The following TMTC4 variants were observed in gnomAD, a reference collection of about 807,000 sequenced individuals.
TMTC4 encodes transmembrane O-mannosyltransferase targeting cadherins 4, also known as protein O-mannosyl-transferase TMTC4.
In TMTC4, 65 loss-of-function variants were observed where a neutral mutation model predicts 86.0. The ratio of observed to expected loss-of-function variants is 0.76; its 90% CI spans 0.62 to 0.93. The LOEUF is 0.93. Ranked by LOEUF, TMTC4 falls within the 40% of genes least tolerant of loss-of-function variation. The pLI, the probability that TMTC4 is intolerant of heterozygous loss-of-function variation, is 0.00. For synonymous variants in TMTC4, 379 were observed against 382.5 expected (o/e 0.99, Z 0.11); for missense variants, 866 against 948.1 (o/e 0.91, Z 1.14).
chr13:100,637,700 A>G lies in TMTC4; in HGVS notation c.837T>C (p.Asn279=). 6.2e-7 allele frequency: 1 copy of G among 1,613,772 alleles called. No homozygotes were observed. Among genetic ancestry groups the G allele is most frequent in the Non-Finnish European group, 8.5e-7 (1 of 1,179,730 alleles). ...GGCCCCCGTTCCTGAGCATGCCGAGATTCTGCAAGGACATCGCAAAGCCCC... is the reference window on the plus strand; with the variant it reads ...GGCCCCCGTTCCTGAGCATGCCGAGGTTCTGCAAGGACATCGCAAAGCCCC... ...KVLHKDKSLE[N]LGMLRNGGLL... The change falls in exon 9 of 19, where the codon AAT becomes AAC. Residue 279 remains asparagine, a splice_region_variant and synonymous_variant. Coordinates refer to ENST00000342624, the MANE Select transcript of TMTC4 (RefSeq NM_032813.5).
At chr13:100,632,355 C>T (rs983622667) in intron 12 of TMTC4, among the ~76,000 whole-genome samples, 2 of 152,150 alleles carry the variant, frequency 1.3e-5, no homozygotes, top group African/African-American at 4.8e-5. Flanking sequence ...AAATAATACG[C>T]TGTCTCTCTA....
chr13:100,639,046 G>A (rs548195341), intron 7 of TMTC4, among the ~76,000 whole-genome samples: 35 of 152,326 alleles, frequency 2.3e-4, no homozygotes, highest in African/African-American at 7.7e-4. Context: ...TGTCACTGCT[G>A]CAGGCAGTGT....
chr13:100,650,082 G>GA (rs561956866), intron 6 of TMTC4, among the ~76,000 whole-genome samples: 178 of 144,496 alleles, frequency 1.2e-3, no homozygotes, highest in African/African-American at 1.9e-3. Flanking sequence ...GAGAGGATGG[G>GA]AAAAAAAAAA....
At chr13:100,629,367 A>G (rs1257937079) in intron 12 of TMTC4, among the ~76,000 whole-genome samples, 1 of 152,096 alleles carries the variant, frequency 6.6e-6, no homozygotes, top group Non-Finnish European at 1.5e-5. Context: ...GGCACCCACC[A>G]GCTGGGAGCG....
rs533072214 is a variant in TMTC4 at position 100,623,138 on chromosome 13, T to C, written c.1836+2397A>G. ...AACCATGGCTTCTGCTCTGACATGA[T>C]TACCCTGTTATCCAAGTTCAGACAG... On this transcript the variant is annotated intron_variant, in intron 15 of 18. Transcript: ENST00000342624. 4.6e-5 allele frequency among the ~76,000 whole-genome samples: 7 copies of C among 152,356 alleles called. No individual in the cohort carries two copies. In the South Asian group the frequency reaches 1.4e-3, roughly 32 times the overall value.
intron 16 of TMTC4, among the ~76,000 whole-genome samples, 188 bp from the exon 17 acceptor site, chr13:100,612,698 G>A (rs1877826125): frequency 6.9e-6 from 1 of 144,992 alleles, no homozygotes; most frequent in Non-Finnish European, 1.5e-5. Flanking sequence ...CACACACGAC[G>A]TTATCAGTGG....
intron 1 of TMTC4, chr13:100,670,807 C>G (rs1264824863): frequency 6.2e-6 from 1 of 160,878 alleles, no homozygotes; most frequent in East Asian, 1.9e-4. Context: ...CAAAAATTAG[C>G]TGAGTGTGGA....
chr13:100,607,512 G>C (rs753223841), intron 17 of TMTC4, among the ~76,000 whole-genome samples: 3 of 139,386 alleles, frequency 2.2e-5, no homozygotes, highest in African/African-American at 8.1e-5. Flanking sequence ...GCAAGACTCT[G>C]TCTCAAAAAA....
chr13:100,622,211 A>G (rs1377125226), intron 15 of TMTC4, among the ~76,000 whole-genome samples: 1 of 152,232 alleles, frequency 6.6e-6, no homozygotes, highest in African/African-American at 2.4e-5. Context: ...TTCCTTGTTC[A>G]AGCATCATGC....
chr13:100,647,410 T>TCCAGC (rs2138945869), intron 6 of TMTC4, among the ~76,000 whole-genome samples: 1 of 152,158 alleles, frequency 6.6e-6, no homozygotes, highest in Admixed American at 6.5e-5. Flanking sequence ...ATGGACACCC[T>TCCAGC]CCACCCCACC....
chr13:100,645,785 C>G (rs1018804076), intron 6 of TMTC4, among the ~76,000 whole-genome samples: 1 of 152,164 alleles, frequency 6.6e-6, no homozygotes, highest in South Asian at 2.1e-4. Flanking sequence ...ATTCCCGAGT[C>G]GAGGGTCTGT....
At chr13:100,674,531 T>C (rs1245745477) in intron 1 of TMTC4, 4 of 979,692 alleles carry the variant, frequency 4.1e-6, no homozygotes, top group East Asian at 2.3e-4. Flanking sequence ...CTTTGTCCCA[T>C]GTGCGGCTCA....
rs1465192845 is a variant in TMTC4 at position 100,670,434 on chromosome 13, C to T, written c.-72G>A. The T allele has an allele frequency of 1.6e-5, 24 of 1,531,590 alleles. No individual in the cohort carries two copies. Among genetic ancestry groups the T allele is most frequent in the Admixed American group, 7.6e-5 (4 of 52,906 alleles). 94.9% of individuals were successfully genotyped at this position (1,531,590 alleles called of 1,614,324 possible). On this transcript the variant is annotated 5_prime_UTR_variant, in exon 2 of 19. Coordinates refer to ENST00000342624, the MANE Select transcript of TMTC4 (RefSeq NM_032813.5). ...TTTACAATCCAGAGATGAAACAGGC[C>T]GCAACTCTTCCACTGCTTGTCTCTC... is the stretch of plus-strand genomic sequence containing the variant.
At chr13:100,621,448 T>C (rs112374051) in intron 15 of TMTC4, among the ~76,000 whole-genome samples, 5,351 of 152,220 alleles carry the variant, frequency 0.035, 131 homozygotes, top group African/African-American at 0.062. Flanking sequence ...TTTTTTGAGA[T>C]GGAGTCTTGC....
At chr13:100,671,116 C>G (rs1887042149) in intron 1 of TMTC4, among the ~76,000 whole-genome samples, 1 of 152,120 alleles carries the variant, frequency 6.6e-6, no homozygotes, top group African/African-American at 2.4e-5. Flanking sequence ...GGTCATGTAA[C>G]CGGTTTTGAC....
intron 12 of TMTC4, among the ~76,000 whole-genome samples, chr13:100,632,053 A>ACACACACACACACACACTCACT (rs1296569630): frequency 2.3e-5 from 1 of 43,110 alleles, no homozygotes. Context: ...ACACACACAC[A>ACACACACACACACACACTCACT]CTCTCTCTCT....
rs1296569630 is a variant in TMTC4, at chr13:100,632,053, A to ACACACACACT, written c.1506+2751_1506+2752insAGTGTGTGTG. On this transcript the variant is annotated intron_variant, in intron 12 of 18. Coordinates refer to ENST00000342624, the MANE Select transcript of TMTC4 (RefSeq NM_032813.5). ...CACACACACACACACACACACACAC[A>ACACACACACT]CTCTCTCTCTCTCTCTCTCTCTCTC... Among the ~76,000 whole-genome samples, 65 of 43,118 alleles carry ACACACACACT rather than the reference A, an allele frequency of 1.5e-3. 1 individual carries two copies. The highest frequency in any genetic ancestry group is 2.0e-3 in the Non-Finnish European group (43 of 21,134). 28.3% of individuals were successfully genotyped at this position (43,118 alleles called of 152,430 possible).
At chr13:100,639,371 G>A (rs1057503153) in intron 7 of TMTC4, among the ~76,000 whole-genome samples, 1 of 152,160 alleles carries the variant, frequency 6.6e-6, no homozygotes, top group Admixed American at 6.5e-5. Flanking sequence ...ACAGAAGACC[G>A]TTTCTGCCTG....
chr13:100,638,081 T>C, intron 7 of TMTC4, 59 bp from the exon 8 acceptor site: 2 of 1,322,482 alleles, frequency 1.5e-6, no homozygotes, highest in Non-Finnish European at 1.1e-6. Flanking sequence ...TAGGCAGCAA[T>C]TACACTTCAC....
Sources: gnomAD v4.1 joint callset for allele counts (sites outside exome capture counted in the v4.1 genomes callset) on GRCh38, gnomAD v4.1.1 for gene constraint, MANE v1.5 for transcripts, NCBI Gene and HGNC (gene_info 2026-07-23, HGNC 2026-07-21) for gene names.